Variants in LHX4 observed in about 807,000 individuals in gnomAD.
LHX4 encodes the protein LIM/homeobox protein Lhx4.
Under a neutral mutation model 39.2 loss-of-function variants are expected in LHX4, and 16 were observed. The observed-to-expected ratio is 0.41, with a 90% confidence interval of 0.28 to 0.62. LHX4 has a LOEUF of 0.62. LHX4 is among the 20% of genes least tolerant of loss of function. The probability of loss-of-function intolerance (pLI) is 0.33; values close to 1 mark genes in which losing one functional copy is unlikely to be tolerated. For synonymous variants in LHX4, 206 were observed against 198.1 expected, an observed-to-expected ratio of 1.04 and a Z score of -0.33; for missense variants, 439 against 511.9, an observed-to-expected ratio of 0.86 and a Z score of 1.37.
At chr1:180,256,604 G>A (rs1427636303) in intron 2 of LHX4, among the ~76,000 whole-genome samples, 2 of 152,216 alleles carry the variant, frequency 1.3e-5, no homozygotes, top group Admixed American at 1.3e-4. Flanking sequence ...ACCTGCAGAT[G>A]CCCAGGTGGG....
intron 1 of LHX4, among the ~76,000 whole-genome samples, chr1:180,240,025 C>T (rs12135275): frequency 0.16 from 24,179 of 152,126 alleles, 2,099 homozygotes; most frequent in Non-Finnish European, 0.2. Flanking sequence ...GAGCATTAGG[C>T]TGTCAAGTCA....
Position 180,247,917 on chromosome 1 carries a change from G to C in LHX4, c.77-368G>C, listed in dbSNP as rs765915670. Among the ~76,000 whole-genome samples, 64 of 152,340 alleles carry C rather than the reference G, an allele frequency of 4.2e-4. 1 individual carries two copies. The highest frequency in any genetic ancestry group is 8.5e-4 in the Admixed American group (13 of 15,302). On this transcript the variant is annotated intron_variant, in intron 1 of 5. Coordinates refer to ENST00000263726, the MANE Select transcript of LHX4 (RefSeq NM_033343.4). Reference sequence around the variant, plus strand: ...CACTTGTGAAAATGTCGTGGAAACAGAGGTGGATGTTGCTGAGCCTTCCTG... The same window carrying C: ...CACTTGTGAAAATGTCGTGGAAACACAGGTGGATGTTGCTGAGCCTTCCTG...
chr1:180,255,400 GCA>G (rs756425912), intron 2 of LHX4, among the ~76,000 whole-genome samples: 7 of 152,136 alleles, frequency 4.6e-5, no homozygotes, highest in Non-Finnish European at 8.8e-5. Flanking sequence ...ACACACGCGT[GCA>G]CACACATGCA....
intron 1 of LHX4, among the ~76,000 whole-genome samples, chr1:180,233,895 T>C (rs1349327543): frequency 6.6e-6 from 1 of 151,704 alleles, no homozygotes; most frequent in Non-Finnish European, 1.5e-5. Flanking sequence ...GTATTTTATT[T>C]TGTGTTTGGT....
intron 2 of LHX4, among the ~76,000 whole-genome samples, chr1:180,253,495 C>G (rs575709498): frequency 4.6e-5 from 7 of 152,346 alleles, no homozygotes; most frequent in Non-Finnish European, 5.9e-5. Flanking sequence ...CCCTGGCACC[C>G]AGGAGCATTT....
intron 1 of LHX4, among the ~76,000 whole-genome samples, chr1:180,243,838 T>G (rs1188586527): frequency 1.3e-5 from 2 of 152,208 alleles, no homozygotes; most frequent in African/African-American, 2.4e-5. Flanking sequence ...AATCCCTTGT[T>G]GCTGTACATG....
At position 180,276,391 on chromosome 1, in the gene LHX4, C is replaced by T. The variant is rs540830669; in HGVS notation, c.*1812C>T. The T allele has an allele frequency of 8.5e-5, 13 of 152,320 alleles. 1 individual carries two copies. Among genetic ancestry groups the T allele is most frequent in the Admixed American group, 7.8e-4 (12 of 15,300 alleles). The allele number at this position is 152,320 out of a possible 1,614,324, so 9.4% of individuals were successfully genotyped here. A position where few individuals can be genotyped will look rare whatever the true frequency, so the allele number is the denominator to read the frequency against. ...GTAAATTCCGGGATCAGCCTTCGGG[C>T]CCTCTTCTCTGACCAATTTTATAGC... On this transcript the variant is annotated 3_prime_UTR_variant, in exon 6 of 6. Coordinates refer to ENST00000263726, the MANE Select transcript of LHX4 (RefSeq NM_033343.4).
At chr1:180,245,363 C>A (rs1435854907) in intron 1 of LHX4, among the ~76,000 whole-genome samples, 1 of 152,216 alleles carries the variant, frequency 6.6e-6, no homozygotes, top group East Asian at 1.9e-4. Flanking sequence ...CTCACCAAGA[C>A]CTTCCAGGGC....
intron 2 of LHX4, among the ~76,000 whole-genome samples, chr1:180,261,754 T>A (rs1185159655): frequency 6.6e-6 from 1 of 152,194 alleles, no homozygotes; most frequent in Non-Finnish European, 1.5e-5. Flanking sequence ...GGTCAGTTGA[T>A]GTTCTGCAGG....
Position 180,230,715 on chromosome 1 carries a change from G to A in LHX4, c.76+110G>A. 2.0e-6 allele frequency: 2 copies of A among 1,011,736 alleles called. No homozygotes were observed. The highest frequency in any genetic ancestry group is 1.3e-5 in the South Asian group (1 of 74,530). 62.7% of individuals were successfully genotyped at this position (1,011,736 alleles called of 1,614,324 possible). A position where few individuals can be genotyped will look rare whatever the true frequency, so the allele number is the denominator to read the frequency against. On this transcript the variant is annotated intron_variant, in intron 1 of 5. Transcript: ENST00000263726. The surrounding 1 kb of genome is among the most constrained non-coding windows in gnomAD (Gnocchi z 5.8). ...CAGGGGCCGGGAGGGGCTGGCGGCC[G>A]GGGCGCAGAGGCGGTCACAGGGCAG...
Position 180,266,407 on chromosome 1 carries a change from A to T in LHX4, c.264A>T (p.Lys88Asn). ...GCCCTGACAGGCGCTTCGGCACAAAATGCACGGCCTGCCAGCAGGGTATCC... is the reference window on the plus strand; with the variant it reads ...GCCCTGACAGGCGCTTCGGCACAAATTGCACGGCCTGCCAGCAGGGTATCC... The part of the protein sequence containing the change: ...KEDFFKRFGT[K>N]CTACQQGIPP... The change falls in exon 3 of 6, where the codon AAA (lysine) becomes AAT (asparagine). Residue 88 changes from lysine (K) to asparagine (N), a missense_variant. Lys to Asn is a moderately conservative substitution (Grantham distance 94). Transcript: ENST00000263726. The surrounding 1 kb of genome is among the most constrained non-coding windows in gnomAD (Gnocchi z 5.7). 1 of 1,614,122 alleles carries T rather than the reference A, an allele frequency of 6.2e-7. No homozygotes were observed. The highest frequency in any genetic ancestry group is 8.5e-7 in the Non-Finnish European group (1 of 1,180,018).
At position 180,273,886 on chromosome 1, in the gene LHX4, C is replaced by T. The variant is rs1558226337; in HGVS notation, c.779-299C>T. On this transcript the variant is annotated intron_variant, in intron 5 of 5. Coordinates refer to ENST00000263726, the MANE Select transcript of LHX4 (RefSeq NM_033343.4). ...CCCAGCCTTAGGCATTCATCCTCCTCAGTGTAGCCAGAGTATTAGTACACG... is the reference window on the plus strand; with the variant it reads ...CCCAGCCTTAGGCATTCATCCTCCTTAGTGTAGCCAGAGTATTAGTACACG... The T allele has an allele frequency of 7.0e-6, 3 of 430,032 alleles. No individual in the cohort carries two copies. In the Admixed American group the frequency reaches 1.1e-4, roughly 16 times the overall value. The allele number at this position is 430,032 out of a possible 1,614,324, so 26.6% of individuals were successfully genotyped here.
intron 1 of LHX4, among the ~76,000 whole-genome samples, chr1:180,245,262 T>C (rs1251351398): frequency 1.3e-5 from 2 of 152,206 alleles, no homozygotes; most frequent in Non-Finnish European, 2.9e-5. Flanking sequence ...AGTTGTCCCC[T>C]ACTTTCTCCT....
intron 3 of LHX4, 59 bp from the exon 4 acceptor site, chr1:180,271,321 G>A: frequency 1.3e-6 from 2 of 1,591,596 alleles, no homozygotes; most frequent in Non-Finnish European, 1.7e-6. Context: ...GAGGGTGTGG[G>A]AGGAGGCGCA....
chr1:180,229,972 G>GGGT (rs1664132577), upstream of LHX4, among the ~76,000 whole-genome samples: 1 of 143,516 alleles, frequency 7.0e-6, no homozygotes, highest in Non-Finnish European at 1.5e-5. Flanking sequence ...GGAGGGGGGG[G>GGGT]GGGTGCCGGC....
rs1311688477 is a variant in LHX4 at position 180,232,974 on chromosome 1, C to T, written c.76+2369C>T. 6.6e-6 allele frequency among the ~76,000 whole-genome samples: 1 copy of T among 152,218 alleles called. No homozygotes were observed. Among genetic ancestry groups the T allele is most frequent in the Non-Finnish European group, 1.5e-5 (1 of 68,036 alleles). ...AACTAGAAGGGTTTCCCTCTCAACA[C>T]AGACATGTTTGCCTCTTCATCACAT... On this transcript the variant is annotated intron_variant, in intron 1 of 5. Transcript: ENST00000263726. The surrounding 1 kb of genome is among the most constrained non-coding windows in gnomAD (Gnocchi z 5.4).
intron 3 of LHX4, among the ~76,000 whole-genome samples, chr1:180,268,747 C>G (rs896481878): frequency 1.3e-5 from 2 of 152,196 alleles, no homozygotes; most frequent in African/African-American, 4.8e-5. Context: ...TATTTCTGGC[C>G]TGTTCCCCGG....
At chr1:180,248,608 T>A in intron 2 of LHX4, 152 bp downstream of exon 2, 1 of 794,122 alleles carries the variant, frequency 1.3e-6, no homozygotes, top group Non-Finnish European at 2.1e-6. Context: ...ATGCCCCTTG[T>A]TGAGGTCCCC....
intron 1 of LHX4, among the ~76,000 whole-genome samples, chr1:180,231,754 C>T (rs1664188260): frequency 6.6e-6 from 1 of 152,082 alleles, no homozygotes; most frequent in Non-Finnish European, 1.5e-5. Context: ...TAAGGGCCGG[C>T]TCATCCAGGG....
Sources: allele counts gnomAD v4.1 joint callset (sites outside exome capture counted in the v4.1 genomes callset), GRCh38; gene constraint gnomAD v4.1.1; non-coding constraint Gnocchi (gnomAD v3.1); transcripts MANE v1.5; gene names NCBI Gene and HGNC (gene_info 2026-07-23, HGNC 2026-07-21).